The following WWP2 variants were observed in gnomAD, a reference collection of about 807,000 sequenced individuals.
The protein encoded by WWP2 is WW domain containing E3 ubiquitin protein ligase 2, also known as NEDD4-like E3 ubiquitin-protein ligase WWP2.
Under a neutral mutation model 121.0 loss-of-function variants are expected in WWP2, and 57 were observed. That is an observed-to-expected ratio of 0.47 (90% CI 0.38 to 0.59). The LOEUF (loss-of-function observed/expected upper bound fraction) is 0.59. Among genes scored for constraint, WWP2 ranks in the 20% least tolerant of loss-of-function variants. WWP2 has a pLI of 0.00. For synonymous variants in WWP2, 449 were observed against 441.3 expected, an observed-to-expected ratio of 1.02 and a Z score of -0.22; for missense variants, 962 against 1,158.9, an observed-to-expected ratio of 0.83 and a Z score of 2.47.
chr16:69,792,658 G>T (rs1354909563), intron 2 of WWP2, among the ~76,000 whole-genome samples: 4 of 152,146 alleles, frequency 2.6e-5, no homozygotes, highest in Middle Eastern at 6.3e-3. Flanking sequence ...ACAACCTAAT[G>T]TATGTGGTAA....
chr16:69,888,339 C>G, intron 8 of WWP2, 90 bp downstream of exon 8: 1 of 1,358,976 alleles, frequency 7.4e-7, no homozygotes, highest in Non-Finnish European at 9.9e-7. Context: ...TATTTATTAC[C>G]TAGTGGCTAG....
In WWP2 at chr16:69,941,730, T is replaced by A. The variant is rs1220173993; in HGVS notation, c.*1790T>A. 3.3e-5 allele frequency: 5 copies of A among 153,402 alleles called. No homozygotes were observed. The highest frequency in any genetic ancestry group is 1.2e-4 in the African/African-American group (5 of 41,428). The allele number at this position is 153,402 out of a possible 1,614,324, so 9.5% of individuals were successfully genotyped here. On this transcript the variant is annotated 3_prime_UTR_variant, in exon 24 of 24. Coordinates refer to ENST00000359154, the MANE Select transcript of WWP2 (RefSeq NM_001270454.2). Reference sequence around the variant, plus strand: ...TGCCAGTTTCTTGTGCAATAAACAATCAGCAGCTGTGGGTGGTGTTGTTGT... The same window carrying A: ...TGCCAGTTTCTTGTGCAATAAACAAACAGCAGCTGTGGGTGGTGTTGTTGT...
rs114645708 is a variant in WWP2, at chr16:69,897,130, A to G, written c.914+8881A>G. On this transcript the variant is annotated intron_variant, in intron 8 of 23. Coordinates refer to ENST00000359154, the MANE Select transcript of WWP2 (RefSeq NM_001270454.2). ...TGTTTGTGTGTTTTGTTTTTGAGACAGAATCTGTGTCACCCAGGCTGGAGT... is the reference window on the plus strand; with the variant it reads ...TGTTTGTGTGTTTTGTTTTTGAGACGGAATCTGTGTCACCCAGGCTGGAGT... Among the ~76,000 whole-genome samples the G allele has an allele frequency of 7.9e-3, 1,192 of 151,256 alleles. 16 individuals carry two copies. The highest frequency in any genetic ancestry group is 0.026 in the African/African-American group (1,084 of 41,196).
intron 7 of WWP2, among the ~76,000 whole-genome samples, chr16:69,876,258 T>G (rs765805202): frequency 7.9e-5 from 12 of 151,944 alleles, no homozygotes; most frequent in Admixed American, 1.3e-4. Context: ...AGGAGGTTTT[T>G]AATGGGTTTT....
intron 5 of WWP2, among the ~76,000 whole-genome samples, 187 bp from the exon 6 acceptor site, chr16:69,841,837 T>C (rs1030192100): frequency 2.0e-5 from 3 of 152,210 alleles, no homozygotes; most frequent in Non-Finnish European, 4.4e-5. Context: ...CTCCATGGCA[T>C]GGATCGGATC....
intron 1 of WWP2, among the ~76,000 whole-genome samples, chr16:69,770,403 G>A (rs2055389782): frequency 1.3e-5 from 2 of 152,172 alleles, no homozygotes; most frequent in Admixed American, 6.5e-5. Flanking sequence ...ACTGGGTTTG[G>A]GGAGCTTCTG....
At chr16:69,804,958 T>C (rs928276398) in intron 4 of WWP2, among the ~76,000 whole-genome samples, 1 of 152,204 alleles carries the variant, frequency 6.6e-6, no homozygotes, top group Non-Finnish European at 1.5e-5. Flanking sequence ...TAAATGGCTG[T>C]TTCTGCATTT....
At chr16:69,842,776 C>G (rs1432397959) in intron 6 of WWP2, among the ~76,000 whole-genome samples, 1 of 152,046 alleles carries the variant, frequency 6.6e-6, no homozygotes, top group Non-Finnish European at 1.5e-5. Context: ...CTCAAGCAAT[C>G]CACCCACCTC....
chr16:69,897,728 T>G (rs957411790), intron 8 of WWP2, among the ~76,000 whole-genome samples: 1 of 151,932 alleles, frequency 6.6e-6, no homozygotes, highest in Non-Finnish European at 1.5e-5. Context: ...GCCAATGTGG[T>G]GAAACCCCAT....
intron 6 of WWP2, among the ~76,000 whole-genome samples, chr16:69,858,838 C>G (rs1307376869): frequency 1.3e-5 from 2 of 152,100 alleles, no homozygotes; most frequent in Admixed American, 1.3e-4. Flanking sequence ...TTCAAATTCC[C>G]AAGTGATTAT....
At chr16:69,931,079 TAGG>T in intron 13 of WWP2, 70 bp from the exon 14 acceptor site, 1 of 1,472,046 alleles carries the variant, frequency 6.8e-7, no homozygotes, top group Non-Finnish European at 9.5e-7. Flanking sequence ...CAGCTTTCCT[TAGG>T]GCTGACAAAG....
At chr16:69,804,383 T>C (rs972970851) in intron 4 of WWP2, among the ~76,000 whole-genome samples, 1 of 152,206 alleles carries the variant, frequency 6.6e-6, no homozygotes, top group South Asian at 2.1e-4. Flanking sequence ...CCAGTACAAA[T>C]AGGGATCTAA....
At chr16:69,851,864 TC>T (rs2057220550) in intron 6 of WWP2, among the ~76,000 whole-genome samples, 1 of 151,718 alleles carries the variant, frequency 6.6e-6, no homozygotes, top group Admixed American at 6.6e-5. Context: ...GCTCCTGGAG[TC>T]CCAGCTACTC....
intron 4 of WWP2, chr16:69,838,828 C>G (rs1236474817): frequency 4.1e-6 from 4 of 985,320 alleles, no homozygotes; most frequent in Middle Eastern, 1.0e-3. Context: ...TGGAGAGATC[C>G]ATGGCAGGGA....
intron 1 of WWP2, among the ~76,000 whole-genome samples, chr16:69,781,076 A>G (rs567684521): frequency 2.6e-5 from 4 of 152,194 alleles, no homozygotes; most frequent in South Asian, 4.1e-4. Context: ...ACTTATTAAC[A>G]TTAGTGTCAC....
rs571566950 is a variant in WWP2, at chr16:69,888,009, A to T, written c.704-30A>T. 540 of 1,610,290 alleles carry T rather than the reference A, an allele frequency of 3.4e-4. 4 individuals are homozygous for T. In the South Asian group the frequency reaches 5.2e-3, roughly 16 times the overall value. ...TAAATAAAATTCTCATTCTTAGTTGATCTTTAAAGTATGATTTGTGCATCT... is the reference window on the plus strand; with the variant it reads ...TAAATAAAATTCTCATTCTTAGTTGTTCTTTAAAGTATGATTTGTGCATCT... On this transcript the variant is annotated intron_variant, in intron 7 of 23. Coordinates refer to ENST00000359154, the MANE Select transcript of WWP2 (RefSeq NM_001270454.2).
chr16:69,912,951 AAAAAATATATATATATATATATATATAT>A (rs2058409995), intron 9 of WWP2, among the ~76,000 whole-genome samples: 2 of 2,560 alleles, frequency 7.8e-4, no homozygotes, highest in African/African-American at 2.2e-3. Context: ...AAAAAAAAAA[AAAAAATATATATATATATATATATATAT>A]ATATATATAT....
intron 2 of WWP2, among the ~76,000 whole-genome samples, chr16:69,792,323 G>A (rs1488885628): frequency 1.3e-5 from 2 of 152,322 alleles, no homozygotes; most frequent in East Asian, 3.9e-4. Context: ...AACTTATTGA[G>A]AGAGCAGATG....
intron 1 of WWP2, among the ~76,000 whole-genome samples, chr16:69,777,121 A>G (rs1274888236): frequency 6.6e-6 from 1 of 151,030 alleles, no homozygotes; most frequent in Admixed American, 6.6e-5. Context: ...TATATACAAT[A>G]CACATATGGA....
Sources: gnomAD v4.1 joint callset for allele counts (sites outside exome capture counted in the v4.1 genomes callset) on GRCh38, gnomAD v4.1.1 for gene constraint, MANE v1.5 for transcripts, NCBI Gene and HGNC (gene_info 2026-07-23, HGNC 2026-07-21) for gene names.